The following RBPMS2 variants were observed in gnomAD, a reference collection of about 807,000 sequenced individuals.
RBPMS2 encodes the protein RNA binding protein, mRNA processing factor 2, also known as RNA-binding protein with multiple splicing 2.
In RBPMS2, 14 loss-of-function variants were observed where a neutral mutation model predicts 25.7. The observed-to-expected ratio is 0.55, with a 90% confidence interval of 0.36 to 0.85. RBPMS2 has a LOEUF of 0.85. Ranked by LOEUF, RBPMS2 falls within the 40% of genes least tolerant of loss-of-function variation. The pLI is 0.01. For synonymous variants in RBPMS2, 127 were observed against 115.6 expected (o/e 1.10, Z -0.63); for missense variants, 252 against 283.4 (o/e 0.89, Z 0.80).
intron 1 of RBPMS2, among the ~76,000 whole-genome samples, chr15:64,755,854 C>T (rs905080913): frequency 1.3e-5 from 2 of 151,366 alleles, no homozygotes; most frequent in African/African-American, 4.9e-5. Context: ...CTCCAGGGCC[C>T]TGACAAGCGT....
intron 1 of RBPMS2, among the ~76,000 whole-genome samples, chr15:64,752,910 C>G (rs2083696173): frequency 6.6e-6 from 1 of 152,254 alleles, no homozygotes; most frequent in South Asian, 2.1e-4. Flanking sequence ...CCGTGCCCGG[C>G]TGATGCTGTG....
At chr15:64,765,413 CAAA>C (rs1255711725) in intron 1 of RBPMS2, among the ~76,000 whole-genome samples, 2 of 108,050 alleles carry the variant, frequency 1.9e-5, no homozygotes, top group African/African-American at 3.5e-5. Context: ...GACTCCGTCT[CAAA>C]AAAAAAAAAA....
At position 64,749,212 on chromosome 15, in the gene RBPMS2, G is replaced by A. The variant is rs946700337; in HGVS notation, c.268-62C>T. ...CGGGGGACCCAGAGTGTTAATGGCA[G>A]AGAGTAGAGAAGGGCGCCATAAACA... is the stretch of plus-strand genomic sequence containing the variant. On this transcript the variant is annotated intron_variant, in intron 4 of 7. Coordinates refer to ENST00000300069, the MANE Select transcript of RBPMS2 (RefSeq NM_194272.3). The A allele has an allele frequency of 5.9e-5, 93 of 1,583,024 alleles. 1 individual carries two copies. The East Asian group carries it at 2.1e-3, about 35-fold the overall frequency.
intron 1 of RBPMS2, among the ~76,000 whole-genome samples, chr15:64,770,625 G>A (rs1168079050): frequency 6.6e-6 from 1 of 152,112 alleles, no homozygotes; most frequent in Non-Finnish European, 1.5e-5. Flanking sequence ...AAACAGAGAA[G>A]CCTCCATTCC....
At chr15:64,762,499 A>C (rs752683447) in intron 1 of RBPMS2, 21 of 534,610 alleles carry the variant, frequency 3.9e-5, no homozygotes, top group Middle Eastern at 3.2e-4. Context: ...TCATCATCGC[A>C]CCCAGATCTG....
intron 6 of RBPMS2, among the ~76,000 whole-genome samples, chr15:64,743,223 T>C (rs950514854): frequency 6.6e-6 from 1 of 152,208 alleles, no homozygotes; most frequent in African/African-American, 2.4e-5. Context: ...TCAGGAGGCC[T>C]GCAACCCAAC....
At chr15:64,750,680 C>T (rs79908471) in intron 2 of RBPMS2, among the ~76,000 whole-genome samples, 128 of 152,340 alleles carry the variant, frequency 8.4e-4, no homozygotes, top group African/African-American at 2.7e-3. Flanking sequence ...TAAGTTTTCT[C>T]ATCTGCAAAC....
intron 1 of RBPMS2, among the ~76,000 whole-genome samples, chr15:64,771,302 C>T (rs757324853): frequency 6.6e-6 from 1 of 152,196 alleles, no homozygotes; most frequent in Non-Finnish European, 1.5e-5. Context: ...AGTTGTCCCT[C>T]GATATCTGAG....
At chr15:64,769,100 C>CAA (rs1167404963) in intron 1 of RBPMS2, among the ~76,000 whole-genome samples, 2,270 of 27,058 alleles carry the variant, frequency 0.084, 222 homozygotes, top group Non-Finnish European at 0.11. Flanking sequence ...GACTTCGTCT[C>CAA]AAAAAAAAAA....
intron 1 of RBPMS2, among the ~76,000 whole-genome samples, chr15:64,770,051 C>T (rs998597373): frequency 5.9e-5 from 9 of 151,976 alleles, no homozygotes; most frequent in East Asian, 3.9e-4. Flanking sequence ...TAGTGGTGCG[C>T]GCCTGTAATC....
rs142335040 is a variant in RBPMS2 at position 64,758,917 on chromosome 15, C to T, written c.88-7279G>A. 1.1e-4 allele frequency among the ~76,000 whole-genome samples: 17 copies of T among 152,230 alleles called. No individual in the cohort carries two copies. The East Asian group carries it at 2.9e-3, about 26-fold the overall frequency. On this transcript the variant is annotated intron_variant, in intron 1 of 7. Coordinates refer to ENST00000300069, the MANE Select transcript of RBPMS2 (RefSeq NM_194272.3). ...CTAGACCTAGAGTGCCTGGGAGCTACCTATTTTTATTTTTAATTAAAAATT... is the reference window on the plus strand; with the variant it reads ...CTAGACCTAGAGTGCCTGGGAGCTATCTATTTTTATTTTTAATTAAAAATT...
intron 6 of RBPMS2, among the ~76,000 whole-genome samples, chr15:64,746,950 A>G (rs985125414): frequency 2.6e-5 from 4 of 152,142 alleles, no homozygotes; most frequent in African/African-American, 9.7e-5. Flanking sequence ...CTTGACCTGA[A>G]GCATCAAGTC....
chr15:64,752,210 T>C (rs1455411473), intron 1 of RBPMS2, among the ~76,000 whole-genome samples: 2 of 152,024 alleles, frequency 1.3e-5, no homozygotes, highest in Non-Finnish European at 1.5e-5. Flanking sequence ...AAAATGTACA[T>C]GTAAAAATGT....
chr15:64,747,255 G>A (rs989073183), intron 6 of RBPMS2, among the ~76,000 whole-genome samples: 8 of 152,136 alleles, frequency 5.3e-5, no homozygotes, highest in African/African-American at 1.9e-4. Flanking sequence ...TTTCCGCTTT[G>A]GAACTGGACA....
chr15:64,743,181 G>C (rs2083580003), intron 6 of RBPMS2, among the ~76,000 whole-genome samples: 1 of 152,236 alleles, frequency 6.6e-6, no homozygotes, highest in Non-Finnish European at 1.5e-5. Flanking sequence ...GGCCGGACAA[G>C]GGGAGAACAT....
At chr15:64,760,483 G>A (rs2083773504) in intron 1 of RBPMS2, among the ~76,000 whole-genome samples, 1 of 152,142 alleles carries the variant, frequency 6.6e-6, no homozygotes, top group Non-Finnish European at 1.5e-5. Context: ...AGTCTCTTAA[G>A]CTTTAAGTTT....
intron 1 of RBPMS2, among the ~76,000 whole-genome samples, chr15:64,767,607 T>C (rs1034345832): frequency 1.3e-5 from 2 of 152,204 alleles, no homozygotes; most frequent in African/African-American, 4.8e-5. Flanking sequence ...CTTCCTCTAC[T>C]TACGGCGCTT....
rs147323357 is a variant in RBPMS2 at position 64,750,848 on chromosome 15, G to A, written c.166-467C>T. Among the ~76,000 whole-genome samples, 1,016 of 146,748 alleles carry A rather than the reference G, an allele frequency of 6.9e-3. 6 individuals carry two copies. The highest frequency in any genetic ancestry group is 0.011 in the Non-Finnish European group (749 of 66,464). Reference sequence around the variant, plus strand: ...AGGTCAAGAGATCCAGACCATCATGGCCAATATGGTGAAACCCCATCTCTA... The same window carrying A: ...AGGTCAAGAGATCCAGACCATCATGACCAATATGGTGAAACCCCATCTCTA... On this transcript the variant is annotated intron_variant, in intron 2 of 7. Coordinates refer to ENST00000300069, the MANE Select transcript of RBPMS2 (RefSeq NM_194272.3).
At chr15:64,746,589 G>A (rs1358121481) in intron 6 of RBPMS2, among the ~76,000 whole-genome samples, 2 of 152,314 alleles carry the variant, frequency 1.3e-5, no homozygotes, top group East Asian at 3.9e-4. Flanking sequence ...GGATGGGGTG[G>A]GAGAAAACTG....
Sources: gnomAD v4.1 joint callset for allele counts (sites outside exome capture counted in the v4.1 genomes callset) on GRCh38, gnomAD v4.1.1 for gene constraint, MANE v1.5 for transcripts, NCBI Gene and HGNC (gene_info 2026-07-23, HGNC 2026-07-21) for gene names.